The following ADIPOR2 variants were observed in gnomAD, a reference collection of about 807,000 sequenced individuals.
ADIPOR2 encodes adiponectin receptor 2, also known as adiponectin receptor protein 2.
In ADIPOR2, 18 loss-of-function variants were observed where a neutral mutation model predicts 40.9. That is an observed-to-expected ratio of 0.44 (90% CI 0.30 to 0.65). The LOEUF is 0.65. Among genes scored for constraint, ADIPOR2 ranks in the 30% least tolerant of loss-of-function variants. The pLI, the probability that ADIPOR2 is intolerant of heterozygous loss-of-function variation, is 0.09. For synonymous variants in ADIPOR2, 165 were observed against 166.4 expected (o/e 0.99, Z 0.06); for missense variants, 283 against 479.2 (o/e 0.59, Z 3.82).
intron 6 of ADIPOR2, among the ~76,000 whole-genome samples, chr12:1,782,804 CTTGATTGCTATTTAGGGGTCTGGGAGCT>C (rs1361771976): frequency 6.6e-6 from 1 of 152,024 alleles, no homozygotes; most frequent in East Asian, 1.9e-4. Flanking sequence ...GACTTTTGTA[CTTGATTGCTATTTAGGGGTCTGGGAGCT>C]TATAGTATTC....
chr12:1,772,779 G>A, intron 2 of ADIPOR2, 63 bp from the exon 3 acceptor site: 1 of 1,538,818 alleles, frequency 6.5e-7, no homozygotes, highest in Non-Finnish European at 8.8e-7. Context: ...CAAGGGAAAT[G>A]TATTGATTGT....
At chr12:1,735,119 G>A (rs975741788) in intron 1 of ADIPOR2, among the ~76,000 whole-genome samples, 2 of 151,974 alleles carry the variant, frequency 1.3e-5, no homozygotes, top group Non-Finnish European at 2.9e-5. Flanking sequence ...TAGTTTTTTC[G>A]AATTCTGTGA....
At chr12:1,726,143 A>G (rs1022958172) in intron 1 of ADIPOR2, among the ~76,000 whole-genome samples, 1 of 152,232 alleles carries the variant, frequency 6.6e-6, no homozygotes, top group Non-Finnish European at 1.5e-5. Flanking sequence ...TCTAAGCAAC[A>G]TAACTGCCTT....
At chr12:1,722,180 G>GA (rs1187331799) in intron 1 of ADIPOR2, among the ~76,000 whole-genome samples, 1 of 152,144 alleles carries the variant, frequency 6.6e-6, no homozygotes, top group Non-Finnish European at 1.5e-5. Flanking sequence ...AATTAGTGGA[G>GA]AAAAATAGGT....
intron 1 of ADIPOR2, among the ~76,000 whole-genome samples, chr12:1,693,822 C>T (rs7296521): frequency 0.4 from 61,148 of 151,958 alleles, 14,074 homozygotes; most frequent in Non-Finnish European, 0.53. Context: ...TGTGAGCAAC[C>T]GTGCCCAGCC....
At chr12:1,720,846 G>A (rs534348109) in intron 1 of ADIPOR2, among the ~76,000 whole-genome samples, 1 of 152,252 alleles carries the variant, frequency 6.6e-6, no homozygotes, top group East Asian at 1.9e-4. Flanking sequence ...AAGTCAAGTG[G>A]GGAACTGCTT....
At position 1,786,486 on chromosome 12, in the gene ADIPOR2, A is replaced by G. The variant is rs1057001164; in HGVS notation, c.*414A>G. ...CAAACCAATTTAAGTGAACATTTAT[A>G]TCCGATAAGGGGTGGGAGTGTGATT... On this transcript the variant is annotated 3_prime_UTR_variant, in exon 8 of 8. Coordinates refer to ENST00000357103, the MANE Select transcript of ADIPOR2 (RefSeq NM_024551.3). 3.7e-5 allele frequency: 6 copies of G among 160,702 alleles called. No homozygotes were observed. The highest frequency in any genetic ancestry group is 8.2e-5 in the Non-Finnish European group (6 of 73,436). The allele number at this position is 160,702 out of a possible 1,614,324, so 10.0% of individuals were successfully genotyped here.
intron 2 of ADIPOR2, among the ~76,000 whole-genome samples, chr12:1,758,425 A>C (rs1457340964): frequency 6.6e-6 from 1 of 152,196 alleles, no homozygotes; most frequent in Non-Finnish European, 1.5e-5. Context: ...AGGCCTTCCA[A>C]AATCATCTTG....
At chr12:1,759,461 C>T (rs1862222776) in intron 2 of ADIPOR2, among the ~76,000 whole-genome samples, 1 of 152,018 alleles carries the variant, frequency 6.6e-6, no homozygotes, top group Admixed American at 6.6e-5. Context: ...AGGGGTGTCT[C>T]GTTTTTTATT....
intron 3 of ADIPOR2, 31 bp downstream of exon 3, chr12:1,772,992 C>A: frequency 6.2e-7 from 1 of 1,608,756 alleles, no homozygotes; most frequent in Non-Finnish European, 8.5e-7. Flanking sequence ...CATTGTCATG[C>A]TATATATTTA....
chr12:1,735,522 A>T (rs1487805388), intron 1 of ADIPOR2, among the ~76,000 whole-genome samples: 3 of 152,188 alleles, frequency 2.0e-5, no homozygotes, highest in African/African-American at 7.2e-5. Context: ...TTCTAGATAT[A>T]CAATCATGTC....
chr12:1,693,979 A>C (rs1036955083), intron 1 of ADIPOR2, among the ~76,000 whole-genome samples: 3 of 152,252 alleles, frequency 2.0e-5, no homozygotes, highest in Non-Finnish European at 2.9e-5. Flanking sequence ...TTAAAAAGAA[A>C]ATCCAGGAAT....
At chr12:1,716,835 C>T (rs1186072071) in intron 1 of ADIPOR2, among the ~76,000 whole-genome samples, 1 of 152,218 alleles carries the variant, frequency 6.6e-6, no homozygotes, top group East Asian at 1.9e-4. Context: ...TTTTACCACA[C>T]ACTGTATCCA....
chr12:1,782,406 ACT>A (rs1862735603), intron 6 of ADIPOR2, among the ~76,000 whole-genome samples: 1 of 152,148 alleles, frequency 6.6e-6, no homozygotes, highest in Non-Finnish European at 1.5e-5. Context: ...GTCATTGTTA[ACT>A]CTGTGTCAAA....
chr12:1,783,295 A>G (rs1862760439), intron 6 of ADIPOR2, among the ~76,000 whole-genome samples: 2 of 152,026 alleles, frequency 1.3e-5, no homozygotes, highest in Admixed American at 6.5e-5. Context: ...CAGTTTAAAT[A>G]AACTCCTGGA....
At chr12:1,733,542 T>C (rs1307377886) in intron 1 of ADIPOR2, among the ~76,000 whole-genome samples, 1 of 152,160 alleles carries the variant, frequency 6.6e-6, no homozygotes, top group Non-Finnish European at 1.5e-5. Context: ...TTTTAAAAGG[T>C]ATCTTTTGAA....
At position 1,784,043 on chromosome 12, in the gene ADIPOR2, A is replaced by G; in HGVS notation, c.1002A>G (p.Glu334=). Residue 334 remains glutamate, a synonymous_variant, in exon 7 of 8, where the codon GAA becomes GAG. Coordinates refer to ENST00000357103, the MANE Select transcript of ADIPOR2 (RefSeq NM_024551.3). ...GAALYAARIP[E]RFFPGKCDIW... Reference sequence around the variant, plus strand: ...CCCTGTATGCTGCCCGGATCCCCGAACGCTTTTTCCCTGGCAAATGTGACA... The same window carrying G: ...CCCTGTATGCTGCCCGGATCCCCGAGCGCTTTTTCCCTGGCAAATGTGACA... The G allele has an allele frequency of 1.2e-6, 2 of 1,602,368 alleles. No individual in the cohort carries two copies. The highest frequency in any genetic ancestry group is 1.7e-6 in the Non-Finnish European group (2 of 1,173,264).
intron 6 of ADIPOR2, 101 bp downstream of exon 6, chr12:1,781,177 T>C (rs1862711246): frequency 8.1e-7 from 1 of 1,241,516 alleles, no homozygotes; most frequent in African/African-American, 1.6e-5. Context: ...ATGCTGTGTA[T>C]TTGTGATGCC....
In ADIPOR2 at chr12:1,698,378, C is replaced by T. The variant is rs141111872; in HGVS notation, c.-87+7187C>T. On this transcript the variant is annotated intron_variant, in intron 1 of 7. Transcript: ENST00000357103. ...CCACGTAGCTGGGACTATAGATGCA[C>T]GCCAGGCTAATTTTTGCATTTTTAA... is the stretch of plus-strand genomic sequence containing the variant. Among the ~76,000 whole-genome samples, 57 of 152,196 alleles carry T rather than the reference C, an allele frequency of 3.7e-4. No homozygotes were observed. The East Asian group carries it at 5.2e-3, about 14-fold the overall frequency.
Sources: gnomAD v4.1 joint callset for allele counts (sites outside exome capture counted in the v4.1 genomes callset) on GRCh38, gnomAD v4.1.1 for gene constraint, MANE v1.5 for transcripts, NCBI Gene and HGNC (gene_info 2026-07-23, HGNC 2026-07-21) for gene names.